Variants in PHACTR3 observed in about 807,000 individuals in gnomAD.
PHACTR3 encodes the protein protein phosphatase 1, regulatory subunit 123.
A neutral mutation model predicts 66.8 loss-of-function variants in PHACTR3; 16 were observed. The ratio of observed to expected loss-of-function variants is 0.24; its 90% CI spans 0.16 to 0.36. PHACTR3 has a LOEUF of 0.36. PHACTR3 is among the 10% of genes least tolerant of loss of function. The pLI, the probability that PHACTR3 is intolerant of heterozygous loss-of-function variation, is 1.00. For synonymous variants in PHACTR3, 323 were observed against 292.1 expected (o/e 1.11, Z -1.08); for missense variants, 647 against 719.9 (o/e 0.90, Z 1.16).
chr20:59,788,137 T>C (rs1162971882), intron 7 of PHACTR3, among the ~76,000 whole-genome samples: 3 of 152,178 alleles, frequency 2.0e-5, no homozygotes, highest in Non-Finnish European at 2.9e-5. Flanking sequence ...CCAATGTCCA[T>C]TGTATCATTC....
At position 59,738,231 on chromosome 20, in the gene PHACTR3, G is replaced by T. The variant is rs919278621; in HGVS notation, c.119-4876G>T. Among the ~76,000 whole-genome samples, 2 of 152,088 alleles carry T rather than the reference G, an allele frequency of 1.3e-5. No individual in the cohort carries two copies. The highest frequency in any genetic ancestry group is 4.8e-5 in the African/African-American group (2 of 41,430). ...AGTAAGTGGCAGGGCCAGGAGGGGA[G>T]CCTGGGGTGCCTGGTCCCAGCCCCC... On this transcript the variant is annotated intron_variant, in intron 1 of 12. Coordinates refer to ENST00000371015, the MANE Select transcript of PHACTR3 (RefSeq NM_080672.5). The surrounding 1 kb of genome is among the most constrained non-coding windows in gnomAD (Gnocchi z 4.4).
At chr20:59,686,056 C>T (rs145683151) in intron 1 of PHACTR3, among the ~76,000 whole-genome samples, 1 of 152,344 alleles carries the variant, frequency 6.6e-6, no homozygotes, top group Non-Finnish European at 1.5e-5. Context: ...GGGCTACCCC[C>T]CCCATACCTA....
chr20:59,831,925 T>C (rs2042395781), intron 8 of PHACTR3, among the ~76,000 whole-genome samples: 1 of 152,238 alleles, frequency 6.6e-6, no homozygotes. Context: ...GCCATGGTTC[T>C]GCCTAGAAAA....
intron 1 of PHACTR3, among the ~76,000 whole-genome samples, chr20:59,721,896 T>C (rs2038315876): frequency 6.6e-6 from 1 of 150,972 alleles, no homozygotes; most frequent in South Asian, 2.1e-4. Context: ...AGAAAAGAAA[T>C]ACACAAGACG....
chr20:59,813,913 G>A (rs1422696630), intron 8 of PHACTR3, among the ~76,000 whole-genome samples: 4 of 152,228 alleles, frequency 2.6e-5, no homozygotes, highest in Non-Finnish European at 5.9e-5. Flanking sequence ...ATTACCCTGT[G>A]TCACATCGTC....
intron 1 of PHACTR3, among the ~76,000 whole-genome samples, chr20:59,711,027 C>T (rs1156262740): frequency 6.6e-6 from 1 of 152,094 alleles, no homozygotes; most frequent in Non-Finnish European, 1.5e-5. Context: ...TGCATATTTT[C>T]ATTCATCTTT....
At chr20:59,605,325 G>A (rs1285944157) in intron 1 of PHACTR3, among the ~76,000 whole-genome samples, 193 bp downstream of exon 1, 1 of 152,226 alleles carries the variant, frequency 6.6e-6, no homozygotes, top group Non-Finnish European at 1.5e-5. Context: ...CCATAAAAGA[G>A]CTGATTTCCT....
chr20:59,777,735 G>C (rs6027094), intron 7 of PHACTR3, among the ~76,000 whole-genome samples: 57,244 of 152,064 alleles, frequency 0.38, 13,204 homozygotes, highest in East Asian at 0.68. Flanking sequence ...GATCATGCTG[G>C]TATCTGTCTG....
intron 8 of PHACTR3, among the ~76,000 whole-genome samples, chr20:59,832,291 C>T (rs1030499202): frequency 5.3e-5 from 8 of 152,232 alleles, no homozygotes; most frequent in Non-Finnish European, 1.0e-4. Context: ...ACCATTTTTC[C>T]TTTTGGAAGC....
In PHACTR3 at chr20:59,693,627, A is replaced by G. The variant is rs543112631; in HGVS notation, c.119-49480A>G. ...GGTGTATCAGTTACCTGTTTCTGGCAACAAATTATTCCAGAATTTAGCTTG... is the reference window on the plus strand; with the variant it reads ...GGTGTATCAGTTACCTGTTTCTGGCGACAAATTATTCCAGAATTTAGCTTG... On this transcript the variant is annotated intron_variant, in intron 1 of 12. Transcript: ENST00000371015. Among the ~76,000 whole-genome samples the G allele has an allele frequency of 2.0e-5, 3 of 152,296 alleles. No homozygotes were observed. In the East Asian group the frequency reaches 5.8e-4, roughly 29 times the overall value.
intron 1 of PHACTR3, among the ~76,000 whole-genome samples, chr20:59,726,730 A>G (rs988186212): frequency 2.6e-5 from 4 of 152,160 alleles, no homozygotes; most frequent in African/African-American, 7.2e-5. Flanking sequence ...AATATTAATT[A>G]GGGGGAACAT....
chr20:59,741,754 C>CTTT (rs5842281), intron 1 of PHACTR3, among the ~76,000 whole-genome samples: 5 of 139,390 alleles, frequency 3.6e-5, no homozygotes, highest in Admixed American at 7.1e-5. Context: ...TTCTTTCTTT[C>CTTT]TTTTTTTTTT....
rs774520710 is a variant in PHACTR3 at position 59,821,980 on chromosome 20, GATCCCACCCCTTCCCCAGCA to G, written c.1329-14505_1329-14486del. Among the ~76,000 whole-genome samples the G allele has an allele frequency of 6.6e-3, 382 of 58,238 alleles. 2 individuals are homozygous for G. Among genetic ancestry groups the G allele is most frequent in the Middle Eastern group, 0.01 (1 of 98 alleles). The allele number at this position is 58,238 out of a possible 152,430, so 38.2% of individuals were successfully genotyped here. On this transcript the variant is annotated intron_variant, in intron 8 of 12. Coordinates refer to ENST00000371015, the MANE Select transcript of PHACTR3 (RefSeq NM_080672.5). ...CCAGCAATCCTACCCTTTCTGCAGC[GATCCCACCCCTTCCCCAGCA>G]ATCCCACCCCTTCCCCAGCGATCCC...
chr20:59,611,736 G>T (rs1186789820), intron 1 of PHACTR3, among the ~76,000 whole-genome samples: 1 of 152,168 alleles, frequency 6.6e-6, no homozygotes, highest in Admixed American at 6.5e-5. Flanking sequence ...CCCAGCCTCG[G>T]ATGTTGTTCC....
intron 1 of PHACTR3, among the ~76,000 whole-genome samples, chr20:59,646,620 G>A (rs1260577382): frequency 1.3e-5 from 2 of 152,136 alleles, no homozygotes; most frequent in South Asian, 2.1e-4. Context: ...GAGTGAATCC[G>A]ATTGTTCAGT....
Position 59,650,740 on chromosome 20 carries a change from C to CAAAAA in PHACTR3, c.118+45625_118+45629dup, listed in dbSNP as rs34879994. Among the ~76,000 whole-genome samples the CAAAAA allele has an allele frequency of 5.0e-4, 31 of 61,478 alleles. 1 individual carries two copies. Among genetic ancestry groups the CAAAAA allele is most frequent in the African/African-American group, 1.9e-3 (29 of 15,482 alleles). 40.3% of individuals were successfully genotyped at this position (61,478 alleles called of 152,430 possible). A position where few individuals can be genotyped will look rare whatever the true frequency, so the allele number is the denominator to read the frequency against. ...GGAATGTTTTCCAATGCGTTGATAGCAAAAAAAAAAAAAAAAAAAAAGTCT... is the reference window on the plus strand; with the variant it reads ...GGAATGTTTTCCAATGCGTTGATAGCAAAAAAAAAAAAAAAAAAAAAAAAAAGTCT... On this transcript the variant is annotated intron_variant, in intron 1 of 12. Coordinates refer to ENST00000371015, the MANE Select transcript of PHACTR3 (RefSeq NM_080672.5).
chr20:59,672,277 A>G (rs747019241), intron 1 of PHACTR3, among the ~76,000 whole-genome samples: 6 of 152,230 alleles, frequency 3.9e-5, no homozygotes, highest in Non-Finnish European at 7.3e-5. Context: ...TTGGAGTCAC[A>G]GTGCCCTGAG....
chr20:59,718,838 T>G (rs1222689951), intron 1 of PHACTR3, among the ~76,000 whole-genome samples: 1 of 152,250 alleles, frequency 6.6e-6, no homozygotes, highest in Non-Finnish European at 1.5e-5. Context: ...TGGCGGCGTA[T>G]GTCTATCCTG....
In PHACTR3 at chr20:59,829,458, C is replaced by A. The variant is rs752381027; in HGVS notation, c.1329-7047C>A. Among the ~76,000 whole-genome samples the A allele has an allele frequency of 6.6e-6, 1 of 152,198 alleles. No homozygotes were observed. Among genetic ancestry groups the A allele is most frequent in the Admixed American group, 6.5e-5 (1 of 15,290 alleles). ...TCCAGACACACCCACATTGCTCTGA[C>A]GCTCTGAGACATAGGGTCAATGTGC... On this transcript the variant is annotated intron_variant, in intron 8 of 12. Transcript: ENST00000371015. This position sits in a 1 kb window ranked among gnomAD's most constrained non-coding sequence, Gnocchi z 4.2.
Sources: gnomAD v4.1 joint callset for allele counts (sites outside exome capture counted in the v4.1 genomes callset) on GRCh38, gnomAD v4.1.1 for gene constraint, Gnocchi (gnomAD v3.1) non-coding constraint, MANE v1.5 for transcripts, NCBI Gene and HGNC (gene_info 2026-07-23, HGNC 2026-07-21) for gene names.